Variants in PCDHGB7 observed in about 807,000 individuals in gnomAD.
PCDHGB7 encodes the protein protocadherin gamma subfamily B, 7.
PCDHGB7 carries 37 observed loss-of-function variants against 61.4 expected under a neutral mutation model. The observed-to-expected ratio is 0.60, with a 90% CI of 0.46 to 0.79. The LOEUF is 0.79. Ranked by LOEUF, PCDHGB7 falls within the 30% of genes least tolerant of loss-of-function variation. The pLI, the probability that PCDHGB7 is intolerant of heterozygous loss-of-function variation, is 0.00. For synonymous variants in PCDHGB7, 464 were observed against 503.5 expected (o/e 0.92, Z 1.05); for missense variants, 1,166 against 1,202.5 (o/e 0.97, Z 0.45).
chr5:141,459,232 G>C (rs1293027771), intron 1 of PCDHGB7, among the ~76,000 whole-genome samples: 1 of 152,152 alleles, frequency 6.6e-6, no homozygotes, highest in Non-Finnish European at 1.5e-5. Context: ...GCAACAACTG[G>C]TCTGCTTCCT....
intron 1 of PCDHGB7, chr5:141,441,824 G>A (rs1561905347): frequency 5.6e-6 from 2 of 356,750 alleles, no homozygotes; most frequent in South Asian, 4.7e-5. Flanking sequence ...GCTCTGGAGC[G>A]CAATGGCTTC....
At chr5:141,452,879 A>C (rs1389712789) in intron 1 of PCDHGB7, among the ~76,000 whole-genome samples, 1 of 152,200 alleles carries the variant, frequency 6.6e-6, no homozygotes, top group Admixed American at 6.5e-5. Context: ...CATTTGTAAT[A>C]ATTTATTCCA....
Position 141,511,231 on chromosome 5 carries a change from C to T in PCDHGB7, c.*58C>T. On this transcript the variant is annotated 3_prime_UTR_variant, in exon 4 of 4. Coordinates refer to ENST00000398594, the MANE Select transcript of PCDHGB7 (RefSeq NM_018927.4). ...CTCTCCCCAACCAGCCCAGCTTCTC[C>T]TTACCTGCACCCAGGCCTCAGAGTT... 2 of 1,595,900 alleles carry T rather than the reference C, an allele frequency of 1.3e-6. No individual in the cohort carries two copies. The highest frequency in any genetic ancestry group is 2.2e-5 in the South Asian group (2 of 88,992).
chr5:141,491,014 G>A lies in PCDHGB7; in HGVS notation c.2416-3793G>A, dbSNP rs761902295. On this transcript the variant is annotated intron_variant, in intron 1 of 3. Transcript: ENST00000398594. This position sits in a 1 kb window ranked among gnomAD's most constrained non-coding sequence, Gnocchi z 6.9. ...TCCTCCTGGCTCCTTGGTCACCAAG[G>A]TGACAGCCGTGGATGCTGATGCAGG... 6 of 1,614,134 alleles carry A rather than the reference G, an allele frequency of 3.7e-6. No individual in the cohort carries two copies. Among genetic ancestry groups the A allele is most frequent in the Non-Finnish European group, 4.2e-6 (5 of 1,180,044 alleles).
rs766784928 is a variant in PCDHGB7, at chr5:141,431,447, G to T, written c.2415+11173G>T. ...GCGCACAGGCACCGCGCGCATCCGC[G>T]TGATGGTTCTGGATGCGAACGACAA... On this transcript the variant is annotated intron_variant, in intron 1 of 3. Coordinates refer to ENST00000398594, the MANE Select transcript of PCDHGB7 (RefSeq NM_018927.4). The surrounding 1 kb of genome is among the most constrained non-coding windows in gnomAD (Gnocchi z 4.8). 2 of 1,613,792 alleles carry T rather than the reference G, an allele frequency of 1.2e-6. No individual in the cohort carries two copies. The highest frequency in any genetic ancestry group is 1.7e-6 in the Non-Finnish European group (2 of 1,180,014).
intron 1 of PCDHGB7, among the ~76,000 whole-genome samples, chr5:141,479,817 A>T (rs773702225): frequency 6.6e-6 from 1 of 152,230 alleles, no homozygotes; most frequent in Non-Finnish European, 1.5e-5. Flanking sequence ...CAAGGATACT[A>T]TCCAAGGCAT....
At position 141,432,686 on chromosome 5, in the gene PCDHGB7, G is replaced by T. The variant is rs2097528577; in HGVS notation, c.2415+12412G>T. ...CAGAGACGCGCTCAAGCAGAGCCTC[G>T]TAGTGGCCGTCCAGGACCACGGCCA... On this transcript the variant is annotated intron_variant, in intron 1 of 3. Transcript: ENST00000398594. The surrounding 1 kb of genome is among the most constrained non-coding windows in gnomAD (Gnocchi z 6.0). 6.2e-7 allele frequency: 1 copy of T among 1,613,922 alleles called. No individual in the cohort carries two copies. Among genetic ancestry groups the T allele is most frequent in the Non-Finnish European group, 8.5e-7 (1 of 1,179,968 alleles).
intron 1 of PCDHGB7, among the ~76,000 whole-genome samples, chr5:141,437,716 C>T (rs575174227): frequency 1.2e-4 from 18 of 151,782 alleles, no homozygotes; most frequent in Admixed American, 1.0e-3. Flanking sequence ...CACAGTTACC[C>T]TCTAATGTTA....
chr5:141,485,095 TC>T lies in PCDHGB7; in HGVS notation c.2416-9710del, dbSNP rs1040164730. ...GCGCGGGGAAAGGGAGATAGGTGTCTCCAGCTGCTGTGGCTGTTTGGGGCGG... is the reference window on the plus strand; with the variant it reads ...GCGCGGGGAAAGGGAGATAGGTGTCTCAGCTGCTGTGGCTGTTTGGGGCGG... On this transcript the variant is annotated intron_variant, in intron 1 of 3. Coordinates refer to ENST00000398594, the MANE Select transcript of PCDHGB7 (RefSeq NM_018927.4). This position sits in a 1 kb window ranked among gnomAD's most constrained non-coding sequence, Gnocchi z 5.7. 6.8e-5 allele frequency: 76 copies of T among 1,115,798 alleles called. No homozygotes were observed. Among genetic ancestry groups the T allele is most frequent in the South Asian group, 4.6e-4 (33 of 71,042 alleles). The allele number at this position is 1,115,798 out of a possible 1,614,324, so 69.1% of individuals were successfully genotyped here. A position where few individuals can be genotyped will look rare whatever the true frequency, so the allele number is the denominator to read the frequency against.
Position 141,432,184 on chromosome 5 carries a change from C to T in PCDHGB7, c.2415+11910C>T, listed in dbSNP as rs774512372. 3.7e-6 allele frequency: 6 copies of T among 1,614,164 alleles called. No homozygotes were observed. The highest frequency in any genetic ancestry group is 2.2e-5 in the South Asian group (2 of 91,080). On this transcript the variant is annotated intron_variant, in intron 1 of 3. Transcript: ENST00000398594. The surrounding 1 kb of genome is among the most constrained non-coding windows in gnomAD (Gnocchi z 6.0). Reference sequence around the variant, plus strand: ...GAGGAGTTTCCCTCGTCTCTGTGACCGCCCACGACCCCGACTGTGAAGAGA... The same window carrying T: ...GAGGAGTTTCCCTCGTCTCTGTGACTGCCCACGACCCCGACTGTGAAGAGA...
intron 1 of PCDHGB7, chr5:141,424,569 C>A (rs1436039976): frequency 6.6e-6 from 1 of 151,996 alleles, no homozygotes; most frequent in African/African-American, 2.4e-5. Flanking sequence ...TCTCAAAAAC[C>A]TATTTTCAAA....
In PCDHGB7 at chr5:141,511,979, T is replaced by C. The variant is rs1205375941; in HGVS notation, c.*806T>C. ...AGGAAGGGAAGTGTGTGGATGTGGA[T>C]GGTGGGGGCATGGACAAAGCTTGAC... On this transcript the variant is annotated 3_prime_UTR_variant, in exon 4 of 4. Transcript: ENST00000398594. The C allele has an allele frequency of 6.5e-5, 10 of 153,278 alleles. No individual in the cohort carries two copies. The highest frequency in any genetic ancestry group is 1.5e-4 in the Non-Finnish European group (10 of 68,568). The allele number at this position is 153,278 out of a possible 1,614,324, so 9.5% of individuals were successfully genotyped here.
At chr5:141,501,901 C>T (rs1595767273) in intron 2 of PCDHGB7, among the ~76,000 whole-genome samples, 1 of 152,070 alleles carries the variant, frequency 6.6e-6, no homozygotes, top group Non-Finnish European at 1.5e-5. Context: ...TGGTTCCAAC[C>T]CCACTGTTCC....
At chr5:141,505,336 G>T in intron 2 of PCDHGB7, 57 bp from the exon 3 acceptor site, 2 of 1,611,372 alleles carry the variant, frequency 1.2e-6, no homozygotes, top group Non-Finnish European at 1.7e-6. Context: ...GAGGACAGGA[G>T]GGGCATGAGC....
Position 141,511,107 on chromosome 5 carries a change from G to A in PCDHGB7, c.2724G>A (p.Arg908=), listed in dbSNP as rs2099883608. 1 of 1,614,220 alleles carries A rather than the reference G, an allele frequency of 6.2e-7. No homozygotes were observed. Among genetic ancestry groups the A allele is most frequent in the Non-Finnish European group, 8.5e-7 (1 of 1,180,020 alleles). Residue 908 remains arginine, a synonymous_variant, in exon 4 of 4, where the codon CGG becomes CGA. Coordinates refer to ENST00000398594, the MANE Select transcript of PCDHGB7 (RefSeq NM_018927.4). Reference sequence around the variant, plus strand: ...CACTGACCAACGCAGCTGGCAAGCGGGATGGCAAGGCCCCAGCAGGTGGCA... The same window carrying A: ...CACTGACCAACGCAGCTGGCAAGCGAGATGGCAAGGCCCCAGCAGGTGGCA... The part of the protein sequence containing the change: ...NATLTNAAGK[R]DGKAPAGGNG...
chr5:141,441,343 C>T (rs2098240806), intron 1 of PCDHGB7: 1 of 152,368 alleles, frequency 6.6e-6, no homozygotes, highest in African/African-American at 2.4e-5. Flanking sequence ...TAATTAACTA[C>T]ATGCTTGTAA....
chr5:141,439,118 G>A (rs1293542421), intron 1 of PCDHGB7, among the ~76,000 whole-genome samples: 3 of 151,390 alleles, frequency 2.0e-5, no homozygotes, highest in Non-Finnish European at 4.4e-5. Flanking sequence ...ACTTGAACCC[G>A]GGAGACAGAG....
Position 141,491,965 on chromosome 5 carries a change from G to A in PCDHGB7, c.2416-2842G>A. 1 of 946,810 alleles carries A rather than the reference G, an allele frequency of 1.1e-6. No individual in the cohort carries two copies. Among genetic ancestry groups the A allele is most frequent in the Non-Finnish European group, 1.5e-6 (1 of 672,398 alleles). 58.7% of individuals were successfully genotyped at this position (946,810 alleles called of 1,614,324 possible). On this transcript the variant is annotated intron_variant, in intron 1 of 3. Coordinates refer to ENST00000398594, the MANE Select transcript of PCDHGB7 (RefSeq NM_018927.4). The surrounding 1 kb of genome is among the most constrained non-coding windows in gnomAD (Gnocchi z 6.9). ...CCCACCCCTACACTCAAAAAAGGCC[G>A]GGGCCTCCTTCGAGCTTCCGGTGAA...
rs143779180 is a variant in PCDHGB7 at position 141,485,438 on chromosome 5, C to A, written c.2416-9369C>A. The A allele has an allele frequency of 9.9e-6, 16 of 1,614,170 alleles. No individual in the cohort carries two copies. The African/African-American group carries it at 1.3e-4, about 13-fold the overall frequency. Reference sequence around the variant, plus strand: ...CAGCGGAGCCCTGCTCATCAAGAACCCAATCGACCGAGAGGCACTGTGTGG... The same window carrying A: ...CAGCGGAGCCCTGCTCATCAAGAACACAATCGACCGAGAGGCACTGTGTGG... On this transcript the variant is annotated intron_variant, in intron 1 of 3. Coordinates refer to ENST00000398594, the MANE Select transcript of PCDHGB7 (RefSeq NM_018927.4). The surrounding 1 kb of genome is among the most constrained non-coding windows in gnomAD (Gnocchi z 5.7).
Sources: gnomAD v4.1 joint callset for allele counts (sites outside exome capture counted in the v4.1 genomes callset) on GRCh38, gnomAD v4.1.1 for gene constraint, Gnocchi (gnomAD v3.1) non-coding constraint, MANE v1.5 for transcripts, NCBI Gene and HGNC (gene_info 2026-07-23, HGNC 2026-07-21) for gene names.